Variants in FOLR2 observed in about 807,000 individuals in gnomAD.
FOLR2 encodes the protein folate receptor beta, also known as folate receptor 2 (fetal).
In FOLR2, 14 loss-of-function variants were observed where a neutral mutation model predicts 20.4. The observed-to-expected ratio is 0.68, with a 90% CI of 0.45 to 1.07. The LOEUF (loss-of-function observed/expected upper bound fraction) is 1.07. Among genes scored for constraint, FOLR2 ranks in the 50% least tolerant of loss-of-function variants. The pLI is 0.00. For synonymous variants in FOLR2, 114 were observed against 114.3 expected (o/e 1.00, Z 0.02); for missense variants, 269 against 322.6 (o/e 0.83, Z 1.27).
At chr11:72,217,056 G>T (rs777338096) in intron 1 of FOLR2, 131 bp downstream of exon 1, 7 of 1,027,900 alleles carry the variant, frequency 6.8e-6, no homozygotes, top group Admixed American at 2.1e-5. Context: ...ACAGAGTCTC[G>T]CTCTGTCACC....
chr11:72,221,067 T>TCGGGGGGGGGCGCCCCCCCCCCCC lies in FOLR2; in HGVS notation c.339+10_339+11insGGGGGGGGGCGCCCCCCCCCCCCC. On this transcript the variant is annotated intron_variant, in intron 3 of 4. Coordinates refer to ENST00000298223, the MANE Select transcript of FOLR2 (RefSeq NM_000803.5). Reference sequence around the variant, plus strand: ...GGCCCTGGATCCAGCAGGTAGGGTGTCTCCCCCCCACCCACCCCAGCAGAC... The same window carrying TCGGGGGGGGGCGCCCCCCCCCCCC: ...GGCCCTGGATCCAGCAGGTAGGGTGTCGGGGGGGGGCGCCCCCCCCCCCCCTCCCCCCCACCCACCCCAGCAGAC... 6.4e-7 allele frequency: 1 copy of TCGGGGGGGGGCGCCCCCCCCCCCC among 1,570,096 alleles called. No individual in the cohort carries two copies. Among genetic ancestry groups the TCGGGGGGGGGCGCCCCCCCCCCCC allele is most frequent in the Non-Finnish European group, 8.7e-7 (1 of 1,154,896 alleles).
intron 2 of FOLR2, among the ~76,000 whole-genome samples, chr11:72,219,752 C>T (rs575471132): frequency 6.6e-6 from 1 of 152,112 alleles, no homozygotes; most frequent in African/African-American, 2.4e-5. Flanking sequence ...ATGGTATTTG[C>T]AGTCCTGGAA....
At chr11:72,218,389 C>T in intron 1 of FOLR2, 172 bp from the exon 2 acceptor site, 1 of 594,434 alleles carries the variant, frequency 1.7e-6, no homozygotes, top group Non-Finnish European at 3.0e-6. Flanking sequence ...GGTGAGGGAG[C>T]CCTCCTGGTC....
Position 72,221,425 on chromosome 11 carries a change from G to A in FOLR2, c.476-45G>A, listed in dbSNP as rs1948491307. ...TGGGGGTGGCCAGAAATGAGCTTTG[G>A]GCCCAGGGGCTGAAAGTCTGTGTCC... On this transcript the variant is annotated intron_variant, in intron 4 of 4. Coordinates refer to ENST00000298223, the MANE Select transcript of FOLR2 (RefSeq NM_000803.5). The A allele has an allele frequency of 2.5e-6, 4 of 1,600,476 alleles. No individual in the cohort carries two copies. In the African/African-American group the frequency reaches 4.0e-5, roughly 16 times the overall value.
intron 2 of FOLR2, among the ~76,000 whole-genome samples, chr11:72,219,682 CT>C (rs1175763734): frequency 6.6e-6 from 1 of 152,094 alleles, no homozygotes; most frequent in African/African-American, 2.4e-5. Context: ...TGATGTCATA[CT>C]TTTCTAAAAT....
chr11:72,220,725 G>T lies in FOLR2; in HGVS notation c.151-145G>T, dbSNP rs1948469885. ...GAAAGGGGTTCCTGGAGGCCTAGGA[G>T]AGAGGGACCATCATCTGGGAACCTG... On this transcript the variant is annotated intron_variant, in intron 2 of 4. Coordinates refer to ENST00000298223, the MANE Select transcript of FOLR2 (RefSeq NM_000803.5). 3.1e-6 allele frequency: 3 copies of T among 957,976 alleles called. No homozygotes were observed. The South Asian group carries it at 4.7e-5, about 15-fold the overall frequency. The allele number at this position is 957,976 out of a possible 1,614,324, so 59.3% of individuals were successfully genotyped here.
At position 72,220,994 on chromosome 11, in the gene FOLR2, G is replaced by A. The variant is rs768977412; in HGVS notation, c.275G>A (p.Arg92His). The A allele has an allele frequency of 1.8e-5, 29 of 1,613,942 alleles. No individual in the cohort carries two copies. Among genetic ancestry groups the A allele is most frequent in the East Asian group, 2.2e-5 (1 of 44,894 alleles). ...HCGKMEPACK[R>H]HFIQDTCLYE... ...GGCAAGATGGAGCCCGCCTGCAAGC[G>A]CCACTTCATCCAGGACACCTGTCTC... The change falls in exon 3 of 5, where the codon CGC becomes CAC. Residue 92 changes from arginine (R) to histidine (H), a missense_variant. Arg to His is a conservative substitution (Grantham distance 29). Coordinates refer to ENST00000298223, the MANE Select transcript of FOLR2 (RefSeq NM_000803.5).
chr11:72,221,080 C>A (rs571762536), intron 3 of FOLR2, 22 bp downstream of exon 3: 2 of 1,265,908 alleles, frequency 1.6e-6, no homozygotes, highest in East Asian at 7.3e-5. Flanking sequence ...CCCCCCCACC[C>A]ACCCCAGCAG....
rs76392662 is a variant in FOLR2, at chr11:72,217,034, G to A, written c.-25+109G>A. ...TTTCTGTATTGTATTGTATTGTATT[G>A]TATTTTTTGAGACAGAGTCTCGCTC... On this transcript the variant is annotated intron_variant, in intron 1 of 4. Transcript: ENST00000298223. 7 of 1,256,332 alleles carry A rather than the reference G, an allele frequency of 5.6e-6. No individual in the cohort carries two copies. The African/African-American group carries it at 9.3e-5, about 17-fold the overall frequency. The allele number at this position is 1,256,332 out of a possible 1,614,324, so 77.8% of individuals were successfully genotyped here. A position where few individuals can be genotyped will look rare whatever the true frequency, so the allele number is the denominator to read the frequency against.
chr11:72,217,312 T>A, intron 1 of FOLR2: 1 of 1,235,520 alleles, frequency 8.1e-7, no homozygotes, highest in Non-Finnish European at 1.1e-6. Flanking sequence ...CGTGAGCCAC[T>A]GTGCCCGGCC....
At chr11:72,217,311 C>G in intron 1 of FOLR2, 1 of 1,228,952 alleles carries the variant, frequency 8.1e-7, no homozygotes, top group Non-Finnish European at 1.1e-6. Context: ...GCGTGAGCCA[C>G]TGTGCCCGGC....
intron 4 of FOLR2, 49 bp downstream of exon 4, chr11:72,221,360 T>C (rs184993423): frequency 6.2e-7 from 1 of 1,603,332 alleles, no homozygotes; most frequent in African/African-American, 1.3e-5. Flanking sequence ...GAGGTAGGGT[T>C]TGGAAAATCT....
At chr11:72,221,389 G>T in intron 4 of FOLR2, 78 bp downstream of exon 4, 2 of 1,597,144 alleles carry the variant, frequency 1.3e-6, no homozygotes, top group Non-Finnish European at 1.7e-6. Context: ...TTGGGGTGGG[G>T]TGAAGATTTC....
At position 72,220,852 on chromosome 11, in the gene FOLR2, T is replaced by G. The variant is rs369232067; in HGVS notation, c.151-18T>G. The G allele has an allele frequency of 2.3e-4, 364 of 1,613,576 alleles. No individual in the cohort carries two copies. The highest frequency in any genetic ancestry group is 1.3e-3 in the Admixed American group (78 of 59,986). ...GAGGGTATGGGGAGGCACTTAGTCC[T>G]GTGTCTTCCCCACCCAGTGCAGTCC... On this transcript the variant is annotated intron_variant, in intron 2 of 4. Transcript: ENST00000298223.
chr11:72,220,831 G>T, intron 2 of FOLR2, 39 bp from the exon 3 acceptor site: 1 of 1,612,496 alleles, frequency 6.2e-7, no homozygotes, highest in East Asian at 2.2e-5. Context: ...GAGGAGGAGG[G>T]TATGGGGAGG....
chr11:72,216,890 C>T lies in FOLR2; in HGVS notation c.-60C>T, dbSNP rs773031987. 3 of 1,599,546 alleles carry T rather than the reference C, an allele frequency of 1.9e-6. No homozygotes were observed. The highest frequency in any genetic ancestry group is 2.5e-6 in the Non-Finnish European group (3 of 1,179,810). ...ACTTAGAGAGAGGCCAACTCAGACACAGCCGTGTATGCTCCCAGCAGCAAC... is the reference window on the plus strand; with the variant it reads ...ACTTAGAGAGAGGCCAACTCAGACATAGCCGTGTATGCTCCCAGCAGCAAC... On this transcript the variant is annotated 5_prime_UTR_variant, in exon 1 of 5. Transcript: ENST00000298223.
chr11:72,219,905 T>C (rs904239666), intron 2 of FOLR2, among the ~76,000 whole-genome samples: 3 of 151,004 alleles, frequency 2.0e-5, no homozygotes, highest in African/African-American at 7.3e-5. Flanking sequence ...TGGAGTGCAA[T>C]GGTGTGATCT....
In FOLR2 at chr11:72,221,157, C is replaced by T. The variant is rs369297388; in HGVS notation, c.340-19C>T. ...CATCCCTGGCTGAGAGGAGCCCTGC[C>T]TCCCCACCTCCCACCCAGGTGAATC... is the stretch of plus-strand genomic sequence containing the variant. On this transcript the variant is annotated intron_variant, in intron 3 of 4. Coordinates refer to ENST00000298223, the MANE Select transcript of FOLR2 (RefSeq NM_000803.5). The T allele has an allele frequency of 1.2e-6, 2 of 1,608,428 alleles. No homozygotes were observed. Among genetic ancestry groups the T allele is most frequent in the Non-Finnish European group, 8.5e-7 (1 of 1,177,766 alleles).
At chr11:72,217,553 A>C in intron 1 of FOLR2, 1 of 431,824 alleles carries the variant, frequency 2.3e-6, no homozygotes, top group Non-Finnish European at 4.3e-6. Flanking sequence ...GCAGCAATGA[A>C]CAGAGGAGGC....
Sources: allele counts gnomAD v4.1 joint callset (sites outside exome capture counted in the v4.1 genomes callset), GRCh38; gene constraint gnomAD v4.1.1; transcripts MANE v1.5; gene names NCBI Gene and HGNC (gene_info 2026-07-23, HGNC 2026-07-21).